DOCK1: variants seen among roughly 807,000 people sequenced by gnomAD.
The protein encoded by DOCK1 is dedicator of cytokinesis protein 1.
DOCK1 carries 138 observed loss-of-function variants against 262.7 expected under a neutral mutation model. The observed-to-expected ratio is 0.53, with a 90% CI of 0.46 to 0.61. The LOEUF (loss-of-function observed/expected upper bound fraction) is 0.61. Ranked by LOEUF, DOCK1 falls within the 20% of genes least tolerant of loss-of-function variation. The pLI is 0.00. For missense variants in DOCK1, 1,908 were observed against 2,370.7 expected, an observed-to-expected ratio of 0.80 and a Z score of 4.05; for synonymous variants, 866 against 867.4, an observed-to-expected ratio of 1.00 and a Z score of 0.03.
rs150536495 is a variant in DOCK1, at chr10:127,176,305, C to T, written c.2847+48541C>T. On this transcript the variant is annotated intron_variant, in intron 27 of 51. Coordinates refer to ENST00000623213, the MANE Select transcript of DOCK1 (RefSeq NM_001290223.2). This position sits in a 1 kb window ranked among gnomAD's most constrained non-coding sequence, Gnocchi z 4.4. Reference sequence around the variant, plus strand: ...TTAATCTGCCGGTTGGGGTCCAGGGCGTATTTCATCTCCAGGGCCAGGCAG... The same window carrying T: ...TTAATCTGCCGGTTGGGGTCCAGGGTGTATTTCATCTCCAGGGCCAGGCAG... 7.4e-6 allele frequency: 12 copies of T among 1,613,926 alleles called. No homozygotes were observed. Among genetic ancestry groups the T allele is most frequent in the East Asian group, 4.5e-5 (2 of 44,872 alleles).
At chr10:127,075,842 A>T (rs1371245503) in intron 23 of DOCK1, among the ~76,000 whole-genome samples, 1 of 152,112 alleles carries the variant, frequency 6.6e-6, no homozygotes, top group Non-Finnish European at 1.5e-5. Context: ...GAACCAAACC[A>T]TATCACTCCA....
Position 127,306,435 on chromosome 10 carries a change from CTG to C in DOCK1, c.3045-32569_3045-32568del, listed in dbSNP as rs2061879375. Reference sequence around the variant, plus strand: ...CGTTCACCGATTTCATCTGAATGGACTGTTGATGCTTGGTGCTGTGGCCATGC... The same window carrying C: ...CGTTCACCGATTTCATCTGAATGGACTTGATGCTTGGTGCTGTGGCCATGC... On this transcript the variant is annotated intron_variant, in intron 29 of 51. Coordinates refer to ENST00000623213, the MANE Select transcript of DOCK1 (RefSeq NM_001290223.2). Among the ~76,000 whole-genome samples the C allele has an allele frequency of 2.6e-5, 4 of 152,264 alleles. No individual in the cohort carries two copies. The South Asian group carries it at 8.3e-4, about 32-fold the overall frequency.
At chr10:126,936,491 T>G (rs1470303471) in intron 1 of DOCK1, among the ~76,000 whole-genome samples, 2 of 152,194 alleles carry the variant, frequency 1.3e-5, no homozygotes, top group African/African-American at 4.8e-5. Context: ...TTGCATGTCA[T>G]GAAACATTCT....
chr10:127,410,413 G>A (rs190145443), intron 42 of DOCK1, among the ~76,000 whole-genome samples: 7 of 152,328 alleles, frequency 4.6e-5, no homozygotes, highest in East Asian at 1.9e-4. Context: ...CCCCGACCGC[G>A]GAGGCAGGTT....
chr10:127,087,025 A>G (rs1329567318), intron 23 of DOCK1, among the ~76,000 whole-genome samples: 1 of 152,168 alleles, frequency 6.6e-6, no homozygotes, highest in East Asian at 1.9e-4. Context: ...AAGCATTTCT[A>G]TAGAGCGGGA....
intron 31 of DOCK1, among the ~76,000 whole-genome samples, chr10:127,353,011 A>G (rs2063959311): frequency 6.6e-6 from 1 of 152,114 alleles, no homozygotes; most frequent in African/African-American, 2.4e-5. Context: ...TCCCACTGTG[A>G]GCATTTCACC....
intron 27 of DOCK1, among the ~76,000 whole-genome samples, chr10:127,155,008 G>A (rs929472933): frequency 7.2e-5 from 11 of 151,990 alleles, no homozygotes; most frequent in Admixed American, 7.2e-4. Context: ...ATATTATTTT[G>A]TGTCCAGGCA....
At chr10:127,141,460 T>A (rs901792690) in intron 27 of DOCK1, among the ~76,000 whole-genome samples, 1 of 152,116 alleles carries the variant, frequency 6.6e-6, no homozygotes, top group Non-Finnish European at 1.5e-5. Flanking sequence ...CCTAGCACTT[T>A]GGGAGGCCGA....
chr10:127,151,942 A>G (rs1415978048), intron 27 of DOCK1, among the ~76,000 whole-genome samples: 2 of 152,186 alleles, frequency 1.3e-5, no homozygotes, highest in African/African-American at 4.8e-5. Flanking sequence ...GTCACTTTTT[A>G]TAGGAGTGAA....
At chr10:127,142,784 G>A (rs900758747) in intron 27 of DOCK1, among the ~76,000 whole-genome samples, 1 of 152,194 alleles carries the variant, frequency 6.6e-6, no homozygotes, top group African/African-American at 2.4e-5. Flanking sequence ...CCCTCGCTGT[G>A]CTCTTGGCAA....
chr10:127,369,005 A>C (rs2133998127), intron 33 of DOCK1, among the ~76,000 whole-genome samples: 1 of 152,356 alleles, frequency 6.6e-6, no homozygotes, highest in South Asian at 2.1e-4. Flanking sequence ...TGTGAGGCTC[A>C]GTAAAATGCT....
Position 127,384,836 on chromosome 10 carries a change from A to G in DOCK1, c.3854A>G (p.Tyr1285Cys). 1.2e-6 allele frequency: 2 copies of G among 1,609,964 alleles called. No homozygotes were observed. The highest frequency in any genetic ancestry group is 1.7e-6 in the Non-Finnish European group (2 of 1,178,812). ...GCCCACCTCACCCAGCGGGACGGGT[A>G]CCAGGCCACCACGCAGGGACAGCTG... is the stretch of plus-strand genomic sequence containing the variant. ...CVAHLTQRDG[Y>C]QATTQGQLKE... The change falls in exon 38 of 52, where the codon TAC (tyrosine) becomes TGC (cysteine). Residue 1285 changes from tyrosine (Y) to cysteine (C), a missense_variant. Around this residue, in one of 9 missense-constraint regions of DOCK1, gnomAD observed 267 missense variants for 366.3 expected, o/e 0.73. Coordinates refer to ENST00000623213, the MANE Select transcript of DOCK1 (RefSeq NM_001290223.2).
At chr10:126,968,880 G>A (rs1272528042) in intron 1 of DOCK1, among the ~76,000 whole-genome samples, 14 of 152,130 alleles carry the variant, frequency 9.2e-5, no homozygotes, top group Admixed American at 9.2e-4. Flanking sequence ...AACCATCTTT[G>A]TCAGTTGAGG....
At chr10:127,395,517 G>C (rs1016210164) in intron 38 of DOCK1, among the ~76,000 whole-genome samples, 1 of 152,214 alleles carries the variant, frequency 6.6e-6, no homozygotes, top group African/African-American at 2.4e-5. Context: ...GCATAGCAAA[G>C]ACATTGGAGC....
At chr10:127,228,684 C>T (rs2058729061) in intron 27 of DOCK1, among the ~76,000 whole-genome samples, 1 of 152,126 alleles carries the variant, frequency 6.6e-6, no homozygotes, top group Non-Finnish European at 1.5e-5. Context: ...CTCGCAGACC[C>T]CTTTTCTGTC....
chr10:127,406,840 A>G (rs2067544201), intron 40 of DOCK1, among the ~76,000 whole-genome samples: 5 of 152,150 alleles, frequency 3.3e-5, no homozygotes, highest in African/African-American at 1.2e-4. Flanking sequence ...TAAAGTCTTT[A>G]TATACATTTT....
rs190648346 is a variant in DOCK1, at chr10:127,440,712, A to G, written c.5259+1487A>G. ...GTGGAAGGCAAACGCCCCAGCCATG[A>G]CTTGACGTCCAACAGGCCAGCGCTG... On this transcript the variant is annotated intron_variant, in intron 49 of 51. Transcript: ENST00000623213. Among the ~76,000 whole-genome samples, 542 of 152,342 alleles carry G rather than the reference A, an allele frequency of 3.6e-3. 1 individual carries two copies. The highest frequency in any genetic ancestry group is 0.012 in the African/African-American group (494 of 41,568).
At chr10:127,211,707 C>T (rs184030329) in intron 27 of DOCK1, among the ~76,000 whole-genome samples, 101 of 152,228 alleles carry the variant, frequency 6.6e-4, no homozygotes, top group African/African-American at 2.4e-3. Context: ...CTGAAAATAA[C>T]GCATGTACCT....
At chr10:126,917,125 A>G (rs1203472091) in intron 1 of DOCK1, among the ~76,000 whole-genome samples, 2 of 152,154 alleles carry the variant, frequency 1.3e-5, no homozygotes, top group East Asian at 1.9e-4. Flanking sequence ...CCTGTGCCAG[A>G]CACCCCGAGC....
Sources: allele counts gnomAD v4.1 joint callset (sites outside exome capture counted in the v4.1 genomes callset), GRCh38; gene constraint gnomAD v4.1.1; regional missense constraint gnomAD v4.1.1; non-coding constraint Gnocchi (gnomAD v3.1); transcripts MANE v1.5; gene names NCBI Gene and HGNC (gene_info 2026-07-23, HGNC 2026-07-21).